BPHL: variants seen among roughly 807,000 people sequenced by gnomAD.
BPHL encodes serine hydrolase BPHL.
Under a neutral mutation model 31.2 loss-of-function variants are expected in BPHL, and 27 were observed. The ratio of observed to expected loss-of-function variants is 0.87; its 90% CI spans 0.64 to 1.19. The LOEUF (loss-of-function observed/expected upper bound fraction) is 1.19. Ranked by LOEUF, BPHL falls within the 50% of genes most tolerant of loss-of-function variation. BPHL has a pLI of 0.00. For missense variants in BPHL, 356 were observed against 375.7 expected (o/e 0.95, Z 0.43); for synonymous variants, 150 against 146.8 (o/e 1.02, Z -0.16).
intron 6 of BPHL, among the ~76,000 whole-genome samples, chr6:3,151,153 A>T (rs1762512631): frequency 6.6e-6 from 1 of 152,112 alleles, no homozygotes; most frequent in African/African-American, 2.4e-5. Flanking sequence ...AGCTTAGTGC[A>T]GATTAGGGGA....
intron 1 of BPHL, among the ~76,000 whole-genome samples, chr6:3,120,453 C>T (rs1049761080): frequency 6.6e-6 from 1 of 152,080 alleles, no homozygotes; most frequent in South Asian, 2.1e-4. Flanking sequence ...GGATTTTGTA[C>T]GGCCGTTTTA....
At chr6:3,120,555 G>C (rs1379129807) in intron 1 of BPHL, among the ~76,000 whole-genome samples, 1 of 152,206 alleles carries the variant, frequency 6.6e-6, no homozygotes, top group African/African-American at 2.4e-5. Context: ...CTCAGTGTCA[G>C]TAGGTAAAAG....
rs528578725 is a variant in BPHL at position 3,133,922 on chromosome 6, T to G, written c.533-3440T>G. 3.3e-5 allele frequency among the ~76,000 whole-genome samples: 5 copies of G among 152,306 alleles called. No individual in the cohort carries two copies. The East Asian group carries it at 9.6e-4, about 29-fold the overall frequency. On this transcript the variant is annotated intron_variant, in intron 4 of 6. Transcript: ENST00000380379. Reference sequence around the variant, plus strand: ...CAGATTATTTTCCAGCAAAATAAATTTACACTTCCACCAGCAATAGATGAG... The same window carrying G: ...CAGATTATTTTCCAGCAAAATAAATGTACACTTCCACCAGCAATAGATGAG...
intron 2 of BPHL, among the ~76,000 whole-genome samples, chr6:3,124,857 C>T (rs17136184): frequency 0.042 from 6,422 of 152,178 alleles, 254 homozygotes; most frequent in African/African-American, 0.099. Context: ...TGAGCCTCAG[C>T]GGATCGTGGC....
intron 4 of BPHL, among the ~76,000 whole-genome samples, chr6:3,131,471 G>C (rs1372284019): frequency 1.3e-5 from 2 of 152,114 alleles, no homozygotes; most frequent in African/African-American, 2.4e-5. Context: ...TACCCCTCCA[G>C]TTATCCTCAC....
At chr6:3,122,146 G>T (rs1355767929) in intron 1 of BPHL, among the ~76,000 whole-genome samples, 2 of 152,182 alleles carry the variant, frequency 1.3e-5, no homozygotes, top group Non-Finnish European at 2.9e-5. Context: ...CGGGCGTGGT[G>T]GCGGGTGCCT....
chr6:3,138,315 GCCT>G (rs1258164529), intron 5 of BPHL: 6 of 179,148 alleles, frequency 3.3e-5, no homozygotes, highest in African/African-American at 1.2e-4. Flanking sequence ...ACCATGCCCA[GCCT>G]CCTATTCTTT....
intron 1 of BPHL, among the ~76,000 whole-genome samples, chr6:3,121,291 CTTTTTTT>C (rs67332286): frequency 2.3e-3 from 183 of 80,362 alleles, no homozygotes; most frequent in Non-Finnish European, 2.2e-3. Context: ...ATAGCAGTTT[CTTTTTTT>C]TTTTTTTTTT....
At chr6:3,150,891 TCATC>T (rs569225611) in intron 6 of BPHL, among the ~76,000 whole-genome samples, 14 of 152,210 alleles carry the variant, frequency 9.2e-5, no homozygotes, top group Non-Finnish European at 2.1e-4. Flanking sequence ...ATCTGTCTAT[TCATC>T]CATTCATCCA....
At chr6:3,125,353 AT>A (rs200646380) in intron 2 of BPHL, among the ~76,000 whole-genome samples, 8 of 151,198 alleles carry the variant, frequency 5.3e-5, no homozygotes, top group East Asian at 3.9e-4. Context: ...CCCCAATTTA[AT>A]TTTTTTTTAT....
intron 6 of BPHL, among the ~76,000 whole-genome samples, chr6:3,144,592 G>A (rs9328144): frequency 0.71 from 108,252 of 151,504 alleles, 39,024 homozygotes; most frequent in Non-Finnish European, 0.74. Flanking sequence ...GGGCCTTGCC[G>A]TGTTGTCCAG....
At chr6:3,122,029 C>G (rs1289481020) in intron 1 of BPHL, among the ~76,000 whole-genome samples, 1 of 152,142 alleles carries the variant, frequency 6.6e-6, no homozygotes, top group Non-Finnish European at 1.5e-5. Context: ...CCTGTAATCC[C>G]AGCGCTTAGG....
intron 4 of BPHL, among the ~76,000 whole-genome samples, chr6:3,133,662 G>A (rs1761933915): frequency 1.3e-5 from 2 of 151,964 alleles, no homozygotes; most frequent in Non-Finnish European, 2.9e-5. Flanking sequence ...TCCTTCACTT[G>A]TTTGCTGACT....
rs1044372161 is a variant in BPHL at position 3,140,621 on chromosome 6, C to G, written c.788+112C>G. ...TTGGAGTTTTAGAGTGCACAGCCCC[C>G]CTTTTGCCAATGCCAGTCAGTAGCA... is the stretch of plus-strand genomic sequence containing the variant. On this transcript the variant is annotated intron_variant, in intron 6 of 6. Coordinates refer to ENST00000380379, the MANE Select transcript of BPHL (RefSeq NM_004332.4). The surrounding 1 kb of genome is among the most constrained non-coding windows in gnomAD (Gnocchi z 5.2). 2 of 1,495,240 alleles carry G rather than the reference C, an allele frequency of 1.3e-6. No individual in the cohort carries two copies. Among genetic ancestry groups the G allele is most frequent in the East Asian group, 2.3e-5 (1 of 43,836 alleles). The allele number at this position is 1,495,240 out of a possible 1,614,324, so 92.6% of individuals were successfully genotyped here. A position where few individuals can be genotyped will look rare whatever the true frequency, so the allele number is the denominator to read the frequency against.
intron 6 of BPHL, among the ~76,000 whole-genome samples, chr6:3,151,601 A>G (rs973743619): frequency 6.6e-6 from 1 of 152,210 alleles, no homozygotes; most frequent in Non-Finnish European, 1.5e-5. Flanking sequence ...AGGGAACATG[A>G]TAACGCATTC....
At chr6:3,134,595 C>T (rs1761960143) in intron 4 of BPHL, among the ~76,000 whole-genome samples, 1 of 150,218 alleles carries the variant, frequency 6.7e-6, no homozygotes, top group Non-Finnish European at 1.5e-5. Flanking sequence ...TGCCACCGCA[C>T]CTGGCTAATT....
chr6:3,138,687 C>T (rs1762081215), intron 5 of BPHL: 2 of 152,174 alleles, frequency 1.3e-5, no homozygotes, highest in African/African-American at 4.8e-5. Context: ...CCCATGGAGA[C>T]AGGCCCTGGA....
chr6:3,129,291 T>G (rs1219661275), intron 4 of BPHL, 93 bp downstream of exon 4: 24 of 1,395,826 alleles, frequency 1.7e-5, no homozygotes, highest in Non-Finnish European at 2.2e-5. Context: ...ACAAGACACA[T>G]CTCTCGTGCT....
At chr6:3,152,457 T>C in intron 6 of BPHL, 31 bp from the exon 7 acceptor site, 1 of 1,603,550 alleles carries the variant, frequency 6.2e-7, no homozygotes. Context: ...GGTGGGCCAT[T>C]GACCCAAAGT....
Sources: gnomAD v4.1 joint callset for allele counts (sites outside exome capture counted in the v4.1 genomes callset) on GRCh38, gnomAD v4.1.1 for gene constraint, Gnocchi (gnomAD v3.1) non-coding constraint, MANE v1.5 for transcripts, NCBI Gene and HGNC (gene_info 2026-07-23, HGNC 2026-07-21) for gene names.